The following TRPS1 variants were observed in gnomAD, a reference collection of about 807,000 sequenced individuals.
TRPS1 encodes zinc finger transcription factor Trps1.
Under a neutral mutation model 101.2 loss-of-function variants are expected in TRPS1, and 6 were observed. That is an observed-to-expected ratio of 0.06 (90% CI 0.03 to 0.12). TRPS1 has a LOEUF of 0.12. Ranked by LOEUF, TRPS1 falls within the 10% of genes least tolerant of loss-of-function variation. The probability of loss-of-function intolerance (pLI) is 1.00; values close to 1 mark genes in which losing one functional copy is unlikely to be tolerated. For synonymous variants in TRPS1, 578 were observed against 589.8 expected, an observed-to-expected ratio of 0.98 and a Z score of 0.29; for missense variants, 1,363 against 1,567.0, an observed-to-expected ratio of 0.87 and a Z score of 2.20.
At chr8:115,427,330 A>C (rs540251405) in intron 5 of TRPS1, among the ~76,000 whole-genome samples, 1 of 152,294 alleles carries the variant, frequency 6.6e-6, no homozygotes, top group East Asian at 1.9e-4. Flanking sequence ...TGAATCAACT[A>C]TTTAATAGAA....
At chr8:115,451,736 G>A (rs1337115492) in intron 5 of TRPS1, among the ~76,000 whole-genome samples, 11 of 152,104 alleles carry the variant, frequency 7.2e-5, no homozygotes, top group South Asian at 2.1e-4. Flanking sequence ...GTGGGGTATC[G>A]TTCGTTTGTT....
At chr8:115,524,009 C>T (rs1815932191) in intron 5 of TRPS1, among the ~76,000 whole-genome samples, 2 of 152,126 alleles carry the variant, frequency 1.3e-5, no homozygotes, top group Non-Finnish European at 2.9e-5. Flanking sequence ...AACAATTTTA[C>T]AAACAAAAAC....
intron 3 of TRPS1, among the ~76,000 whole-genome samples, chr8:115,606,899 G>T (rs1405614456): frequency 6.6e-6 from 1 of 151,082 alleles, no homozygotes; most frequent in Non-Finnish European, 1.5e-5. Context: ...TGATTCAAAA[G>T]GGATAAATTC....
chr8:115,428,860 C>T (rs780295594), intron 5 of TRPS1, among the ~76,000 whole-genome samples: 12 of 152,032 alleles, frequency 7.9e-5, no homozygotes, highest in Non-Finnish European at 1.5e-4. Context: ...TAGGTATTTA[C>T]GGACACCTTT....
At chr8:115,585,722 T>C (rs1010523326) in intron 5 of TRPS1, among the ~76,000 whole-genome samples, 5 of 152,174 alleles carry the variant, frequency 3.3e-5, no homozygotes, top group Non-Finnish European at 7.4e-5. Context: ...TTTCTCTTTT[T>C]TTCCCGAAGT....
intron 5 of TRPS1, among the ~76,000 whole-genome samples, chr8:115,459,911 CATA>C (rs1323181827): frequency 1.3e-5 from 2 of 151,992 alleles, no homozygotes; most frequent in Non-Finnish European, 1.5e-5. Context: ...TGGCCCAACA[CATA>C]ATAACATTGT....
chr8:115,564,161 A>G (rs1586407313), intron 5 of TRPS1, among the ~76,000 whole-genome samples: 1 of 152,078 alleles, frequency 6.6e-6, no homozygotes. Flanking sequence ...AATGATGAAT[A>G]GGAGAGAAAA....
At chr8:115,491,686 TGAAA>T (rs888107329) in intron 5 of TRPS1, among the ~76,000 whole-genome samples, 13 of 150,650 alleles carry the variant, frequency 8.6e-5, no homozygotes, top group East Asian at 3.9e-4. Flanking sequence ...AAAGGAAGAA[TGAAA>T]GAAAGAAAGA....
chr8:115,504,688 T>C (rs1477148019), intron 5 of TRPS1, among the ~76,000 whole-genome samples: 1 of 152,192 alleles, frequency 6.6e-6, no homozygotes. Context: ...TGAGTTATAC[T>C]GATAGCACTG....
intron 4 of TRPS1, among the ~76,000 whole-genome samples, chr8:115,593,565 T>C (rs1817725944): frequency 6.6e-6 from 1 of 152,198 alleles, no homozygotes. Flanking sequence ...AGATCTTCAA[T>C]GTAATGTCAC....
At chr8:115,642,359 C>T (rs1235026686) in intron 1 of TRPS1, among the ~76,000 whole-genome samples, 3 of 151,602 alleles carry the variant, frequency 2.0e-5, no homozygotes, top group Admixed American at 2.0e-4. Flanking sequence ...TCCTTTATTG[C>T]TGAGCAAAAA....
chr8:115,507,310 G>A (rs984584132), intron 5 of TRPS1, among the ~76,000 whole-genome samples: 2 of 152,024 alleles, frequency 1.3e-5, no homozygotes, highest in African/African-American at 4.8e-5. Context: ...TATATAAGGG[G>A]TTTTCAAATT....
intron 5 of TRPS1, among the ~76,000 whole-genome samples, chr8:115,446,139 T>C (rs1813729032): frequency 6.6e-6 from 1 of 152,092 alleles, no homozygotes; most frequent in African/African-American, 2.4e-5. Context: ...GTTTTGACTT[T>C]GCAAAGTGTT....
intron 5 of TRPS1, among the ~76,000 whole-genome samples, chr8:115,450,289 A>G (rs1412080165): frequency 2.0e-5 from 3 of 152,164 alleles, no homozygotes. Context: ...TCCAAACCCA[A>G]TGAGATTAGA....
chr8:115,570,282 A>G (rs1395455322), intron 5 of TRPS1, among the ~76,000 whole-genome samples: 1 of 152,130 alleles, frequency 6.6e-6, no homozygotes, highest in Admixed American at 6.6e-5. Flanking sequence ...TAATTTACTA[A>G]TTCATCAGTC....
At chr8:115,547,840 G>A (rs1432019804) in intron 5 of TRPS1, among the ~76,000 whole-genome samples, 1 of 152,096 alleles carries the variant, frequency 6.6e-6, no homozygotes, top group Non-Finnish European at 1.5e-5. Context: ...AATTACCTGA[G>A]AACTAAACTG....
rs536020979 is a variant in TRPS1 at position 115,421,717 on chromosome 8, C to T, written c.2701-3265G>A. Among the ~76,000 whole-genome samples, 5 of 152,206 alleles carry T rather than the reference C, an allele frequency of 3.3e-5. No homozygotes were observed. In the East Asian group the frequency reaches 9.7e-4, roughly 29 times the overall value. ...GTGCAATTAAAATTTCTGGAAGTAG[C>T]AGAGAAGGTGGGAGAAGTGGGTAGT... On this transcript the variant is annotated intron_variant, in intron 5 of 6. Coordinates refer to ENST00000395715, the MANE Select transcript of TRPS1 (RefSeq NM_014112.5).
At chr8:115,513,410 A>G (rs1004450327) in intron 5 of TRPS1, among the ~76,000 whole-genome samples, 6 of 151,622 alleles carry the variant, frequency 4.0e-5, no homozygotes, top group African/African-American at 9.7e-5. Flanking sequence ...ATGGTTTGCA[A>G]TTAGGTGCTC....
intron 1 of TRPS1, among the ~76,000 whole-genome samples, chr8:115,664,911 A>T (rs1309774976): frequency 2.0e-5 from 3 of 152,142 alleles, no homozygotes; most frequent in Non-Finnish European, 4.4e-5. Flanking sequence ...TACACACCAG[A>T]GAAATCTTAA....
Sources: allele counts gnomAD v4.1 joint callset (sites outside exome capture counted in the v4.1 genomes callset), GRCh38; gene constraint gnomAD v4.1.1; transcripts MANE v1.5; gene names NCBI Gene and HGNC (gene_info 2026-07-23, HGNC 2026-07-21).